The following SPG11 variants were observed in gnomAD, a reference collection of about 807,000 sequenced individuals.
SPG11 encodes the protein SPG11 vesicle trafficking associated, spatacsin.
Under a neutral mutation model 274.0 loss-of-function variants are expected in SPG11, and 222 were observed. The ratio of observed to expected loss-of-function variants is 0.81; its 90% CI spans 0.73 to 0.91. SPG11 has a LOEUF of 0.91. SPG11 is among the 40% of genes least tolerant of loss of function. The pLI is 0.00. For missense variants in SPG11, 3,114 were observed against 2,872.7 expected, an observed-to-expected ratio of 1.08 and a Z score of -1.92; for synonymous variants, 1,144 against 1,039.7, an observed-to-expected ratio of 1.10 and a Z score of -1.93.
At chr15:44,582,399 G>A (rs907617722) in intron 30 of SPG11, among the ~76,000 whole-genome samples, 4 of 151,986 alleles carry the variant, frequency 2.6e-5, no homozygotes, top group Non-Finnish European at 5.9e-5. Context: ...AATACAAAAA[G>A]TAGCCAAGCG....
chr15:44,630,227 CCTCCCG>C (rs2084019585), intron 8 of SPG11, among the ~76,000 whole-genome samples: 1 of 152,186 alleles, frequency 6.6e-6, no homozygotes, highest in African/African-American at 2.4e-5. Flanking sequence ...TCTCAGCACT[CCTCCCG>C]CTGCCCCCCG....
chr15:44,615,614 G>A (rs771626502), intron 15 of SPG11, 48 bp from the exon 16 acceptor site: 7 of 1,546,826 alleles, frequency 4.5e-6, no homozygotes, highest in South Asian at 2.2e-5. Flanking sequence ...GCTATGTTCA[G>A]AGTAGACCAA....
intron 23 of SPG11, 88 bp from the exon 24 acceptor site, chr15:44,597,031 A>C: frequency 2.3e-6 from 3 of 1,277,900 alleles, no homozygotes; most frequent in Non-Finnish European, 3.3e-6. Context: ...AAAATGAGTA[A>C]AAATGATATA....
chr15:44,629,283 G>GT lies in SPG11; in HGVS notation c.1840dup (p.Thr614AsnfsTer6), dbSNP rs2083990307. 1 of 1,613,968 alleles carries GT rather than the reference G, an allele frequency of 6.2e-7. No individual in the cohort carries two copies. Among genetic ancestry groups the GT allele is most frequent in the African/African-American group, 1.3e-5 (1 of 74,946 alleles). On this transcript the variant is annotated frameshift_variant, in exon 9 of 40. Transcript: ENST00000261866. LOFTEE classifies it high-confidence loss of function. ...TATTTGGTTGTTAAGGAAAGACAGT[G>GT]TAAGATTAAGCAATTGTTCTGAAAA...
chr15:44,584,183 A>T lies in SPG11; in HGVS notation c.5497T>A (p.Ser1833Thr), dbSNP rs766375553. 6.2e-7 allele frequency: 1 copy of T among 1,614,234 alleles called. No homozygotes were observed. The highest frequency in any genetic ancestry group is 8.5e-7 in the Non-Finnish European group (1 of 1,180,040). The change falls in exon 30 of 40, where the codon TCC becomes ACC. Residue 1833 changes from serine to threonine, a missense_variant. Coordinates refer to ENST00000261866, the MANE Select transcript of SPG11 (RefSeq NM_025137.4). ...AACTCACTGGCTAAACTATCAAAGGAAAGTTCACCACTAGTTGAGATCTGT... is the reference window on the plus strand; with the variant it reads ...AACTCACTGGCTAAACTATCAAAGGTAAGTTCACCACTAGTTGAGATCTGT... ...SRQISTSGEL[S>T]FDSLASEFSF...
At chr15:44,630,251 C>T (rs1448158205) in intron 8 of SPG11, among the ~76,000 whole-genome samples, 3 of 152,180 alleles carry the variant, frequency 2.0e-5, no homozygotes, top group South Asian at 2.1e-4. Context: ...CCGTGGATTA[C>T]ATCTGTGAGA....
At position 44,584,421 on chromosome 15, in the gene SPG11, T is replaced by G; in HGVS notation, c.5259A>C (p.Ser1753=). ...GCTCACATGCCACATGGGCCTGGGT[T>G]GAGAAAAAGGAAGAAGCTGCTTTGC... The part of the protein sequence containing the change: ...ISSKAASSFF[S]TQAHVACEHP... The change falls in exon 30 of 40, where the codon TCA becomes TCC. Residue 1753 remains serine, a synonymous_variant. Transcript: ENST00000261866. 1 of 1,614,212 alleles carries G rather than the reference T, an allele frequency of 6.2e-7. No individual in the cohort carries two copies.
At chr15:44,637,166 G>A (rs539884519) in intron 7 of SPG11, among the ~76,000 whole-genome samples, 13 of 152,134 alleles carry the variant, frequency 8.5e-5, no homozygotes, top group Middle Eastern at 6.8e-3. Flanking sequence ...AGACACAGGT[G>A]AAGAAAGAAT....
Position 44,615,392 on chromosome 15 carries a change from A to G in SPG11, c.3009T>C (p.His1003=), listed in dbSNP as rs2083567191. ...ILYCLEHSLQ[H]LLYVYLDCYK... is the part of the protein sequence containing the mutation. ...AACAGTCAAGGTAGACATAAAGAAGATGCTGCAGACTGTGCTCCAAACAAT... is the reference window on the plus strand; with the variant it reads ...AACAGTCAAGGTAGACATAAAGAAGGTGCTGCAGACTGTGCTCCAAACAAT... Residue 1003 remains histidine (H), a synonymous_variant, in exon 16 of 40, where the codon CAT becomes CAC. Coordinates refer to ENST00000261866, the MANE Select transcript of SPG11 (RefSeq NM_025137.4). 6.2e-7 allele frequency: 1 copy of G among 1,613,882 alleles called. No homozygotes were observed. Among genetic ancestry groups the G allele is most frequent in the Admixed American group, 1.7e-5 (1 of 60,006 alleles).
intron 7 of SPG11, among the ~76,000 whole-genome samples, chr15:44,639,613 T>C (rs2084382434): frequency 6.6e-6 from 1 of 151,718 alleles, no homozygotes; most frequent in Admixed American, 6.6e-5. Context: ...CACATGGGGG[T>C]ATCCCTTGCA....
chr15:44,588,363 T>C (rs2140955256), intron 28 of SPG11, among the ~76,000 whole-genome samples: 2 of 151,778 alleles, frequency 1.3e-5, no homozygotes, highest in East Asian at 3.9e-4. Flanking sequence ...TGTGCATTTC[T>C]GAAATAGGGT....
intron 18 of SPG11, 96 bp downstream of exon 18, chr15:44,610,743 AG>A (rs1263346308): frequency 1.7e-6 from 2 of 1,194,426 alleles, no homozygotes; most frequent in Non-Finnish European, 2.5e-6. Context: ...ACTTGAATAT[AG>A]TTATATTTTA....
intron 16 of SPG11, 75 bp from the exon 17 acceptor site, chr15:44,613,611 G>A (rs1595882177): frequency 5.5e-6 from 5 of 902,078 alleles, no homozygotes; most frequent in African/African-American, 1.7e-5. Context: ...TTGCTCAGGC[G>A]ATGATTAGCA....
At chr15:44,585,401 A>T (rs1442884446) in intron 29 of SPG11, among the ~76,000 whole-genome samples, 2 of 146,328 alleles carry the variant, frequency 1.4e-5, no homozygotes, top group Non-Finnish European at 3.0e-5. Flanking sequence ...CCTGGCTAAC[A>T]CAGTGAAACC....
chr15:44,583,934 C>T lies in SPG11; in HGVS notation c.5746G>A (p.Ala1916Thr). ...ATACTAGCTTCCCCTGAGGCCAGTGCTCTGCAGTGCAATACCAAGGCGACA... is the reference window on the plus strand; with the variant it reads ...ATACTAGCTTCCCCTGAGGCCAGTGTTCTGCAGTGCAATACCAAGGCGACA... The part of the protein sequence containing the change: ...PDVALVLHCR[A>T]LASGEASMED... The change falls in exon 30 of 40, where the codon GCA becomes ACA. Residue 1916 changes from alanine (A) to threonine (T), a missense_variant. Ala to Thr is a moderately conservative substitution (Grantham distance 58). Coordinates refer to ENST00000261866, the MANE Select transcript of SPG11 (RefSeq NM_025137.4). 6.2e-7 allele frequency: 1 copy of T among 1,614,226 alleles called. No homozygotes were observed. Among genetic ancestry groups the T allele is most frequent in the Non-Finnish European group, 8.5e-7 (1 of 1,180,040 alleles).
chr15:44,599,533 T>A (rs1323747380), intron 21 of SPG11, among the ~76,000 whole-genome samples: 1 of 152,076 alleles, frequency 6.6e-6, no homozygotes, highest in African/African-American at 2.4e-5. Flanking sequence ...CTCCTGAGGT[T>A]GTGATCCGCC....
intron 31 of SPG11, 121 bp from the exon 32 acceptor site, chr15:44,573,866 C>A: frequency 1.1e-6 from 1 of 900,436 alleles, no homozygotes; most frequent in East Asian, 2.6e-5. Context: ...ACTCCTCACC[C>A]TCAGCAGGAA....
intron 29 of SPG11, 98 bp from the exon 30 acceptor site, chr15:44,584,656 T>G: frequency 3.5e-6 from 5 of 1,410,292 alleles, no homozygotes; most frequent in Non-Finnish European, 4.9e-6. Context: ...TTGGACAGGG[T>G]CTCAGTCTGT....
At chr15:44,618,055 C>A (rs1180496545) in intron 15 of SPG11, among the ~76,000 whole-genome samples, 1 of 151,996 alleles carries the variant, frequency 6.6e-6, no homozygotes, top group African/African-American at 2.4e-5. Flanking sequence ...AAAAAAATAA[C>A]CGCTGGGATT....
Sources: allele counts gnomAD v4.1 joint callset (sites outside exome capture counted in the v4.1 genomes callset), GRCh38; gene constraint gnomAD v4.1.1; transcripts MANE v1.5; gene names NCBI Gene and HGNC (gene_info 2026-07-23, HGNC 2026-07-21).